CRPPA: variants seen among roughly 807,000 people sequenced by gnomAD.
CRPPA encodes D-ribitol-5-phosphate cytidylyltransferase.
Under a neutral mutation model 52.0 loss-of-function variants are expected in CRPPA, and 43 were observed. The ratio of observed to expected loss-of-function variants is 0.83; its 90% CI spans 0.65 to 1.07. The LOEUF (loss-of-function observed/expected upper bound fraction) is 1.07. Ranked by LOEUF, CRPPA falls within the 50% of genes least tolerant of loss-of-function variation. CRPPA has a pLI of 0.00. For missense variants in CRPPA, 629 were observed against 551.7 expected (o/e 1.14, Z -1.40); for synonymous variants, 250 against 203.5 (o/e 1.23, Z -1.94).
chr7:16,199,094 C>T (rs1257185148), intron 9 of CRPPA, among the ~76,000 whole-genome samples: 1 of 152,172 alleles, frequency 6.6e-6, no homozygotes, highest in Non-Finnish European at 1.5e-5. Context: ...CTGCTCTCTC[C>T]CAGACTTCCA....
intron 1 of CRPPA, among the ~76,000 whole-genome samples, chr7:16,407,927 T>C (rs551709883): frequency 6.6e-6 from 1 of 151,818 alleles, no homozygotes; most frequent in Admixed American, 6.6e-5. Context: ...GCCAACATAG[T>C]GAAACTCCGT....
At position 16,258,943 on chromosome 7, in the gene CRPPA, A is replaced by T; in HGVS notation, c.1003T>A (p.Cys335Ser). The T allele has an allele frequency of 6.2e-7, 1 of 1,610,344 alleles. No individual in the cohort carries two copies. Among genetic ancestry groups the T allele is most frequent in the Non-Finnish European group, 8.5e-7 (1 of 1,177,948 alleles). ...RHLQQIILDQ[C>S]YNFVCVNVTT... Reference sequence around the variant, plus strand: ...ACATTCACACAAACAAAATTGTAGCATTGATCTAAGATGATTTGCTGAAGA... The same window carrying T: ...ACATTCACACAAACAAAATTGTAGCTTTGATCTAAGATGATTTGCTGAAGA... The change falls in exon 7 of 10, where the codon TGC becomes AGC. Residue 335 changes from cysteine (C) to serine (S), a missense_variant. Cys to Ser is a moderately radical substitution (Grantham distance 112). Transcript: ENST00000407010.
At chr7:16,124,979 G>A (rs1200290353) in intron 9 of CRPPA, among the ~76,000 whole-genome samples, 1 of 151,984 alleles carries the variant, frequency 6.6e-6, no homozygotes, top group Admixed American at 6.6e-5. Context: ...CTGTGAATAG[G>A]CCAGGTGCAG....
chr7:16,315,833 T>C (rs1289893367), intron 3 of CRPPA, among the ~76,000 whole-genome samples: 3 of 152,188 alleles, frequency 2.0e-5, no homozygotes, highest in Admixed American at 6.5e-5. Flanking sequence ...CCTGTCACTA[T>C]TTCCCAAGGA....
intron 9 of CRPPA, among the ~76,000 whole-genome samples, chr7:16,188,317 T>C (rs1486401932): frequency 6.6e-6 from 1 of 152,028 alleles, no homozygotes; most frequent in African/African-American, 2.4e-5. Context: ...AGAACAAATG[T>C]ATGGTGTGAG....
rs766568618 is a variant in CRPPA, at chr7:16,406,117, G to T, written c.478C>A (p.Pro160Thr). 1 of 1,613,846 alleles carries T rather than the reference G, an allele frequency of 6.2e-7. No individual in the cohort carries two copies. The highest frequency in any genetic ancestry group is 8.5e-7 in the Non-Finnish European group (1 of 1,179,850). ...EVVIIHDAVR[P>T]FVEEGVLLKV... The stretch of plus-strand genomic sequence containing the variant: ...AGAAGGACACCTTCCTCAACAAATG[G>T]TCTCACAGCATCATGGATAATCACT... The change falls in exon 2 of 10, where the codon CCA (proline) becomes ACA (threonine). Residue 160 changes from proline to threonine, a missense_variant. Physicochemically the swap from Pro to Thr is conservative, Grantham distance 38 (BLOSUM62 -1). Coordinates refer to ENST00000407010, the MANE Select transcript of CRPPA (RefSeq NM_001101426.4).
At chr7:16,260,039 A>T (rs1783754338) in intron 6 of CRPPA, among the ~76,000 whole-genome samples, 1 of 152,012 alleles carries the variant, frequency 6.6e-6, no homozygotes, top group Non-Finnish European at 1.5e-5. Context: ...AAAAAGCCAA[A>T]AAGTCCATAG....
chr7:16,408,130 T>C (rs1221629700), intron 1 of CRPPA, among the ~76,000 whole-genome samples: 1 of 126,090 alleles, frequency 7.9e-6, no homozygotes, highest in Non-Finnish European at 1.7e-5. Flanking sequence ...AATAAAAAAA[T>C]AACTTATCAG....
At chr7:16,302,231 G>A (rs368695979) in intron 4 of CRPPA, among the ~76,000 whole-genome samples, 7 of 135,314 alleles carry the variant, frequency 5.2e-5, no homozygotes, top group Admixed American at 1.8e-4. Flanking sequence ...GGGAGGCGGA[G>A]CTTGCAGTGT....
intron 9 of CRPPA, among the ~76,000 whole-genome samples, chr7:16,171,011 G>A (rs1266483188): frequency 1.3e-5 from 2 of 152,210 alleles, no homozygotes; most frequent in African/African-American, 4.8e-5. Context: ...AGCCCAGAGA[G>A]GGGCTCCCAC....
At chr7:16,189,092 A>G (rs1466681003) in intron 9 of CRPPA, among the ~76,000 whole-genome samples, 1 of 152,198 alleles carries the variant, frequency 6.6e-6, no homozygotes, top group African/African-American at 2.4e-5. Flanking sequence ...ATAAACACAC[A>G]TTAAAAAAAA....
At chr7:16,267,672 T>A (rs2128415122) in intron 6 of CRPPA, among the ~76,000 whole-genome samples, 1 of 152,286 alleles carries the variant, frequency 6.6e-6, no homozygotes, top group South Asian at 2.1e-4. Flanking sequence ...CTTTTTTCCC[T>A]CAAATTCTTG....
At chr7:16,156,714 C>A (rs1226354182) in intron 9 of CRPPA, among the ~76,000 whole-genome samples, 3 of 152,142 alleles carry the variant, frequency 2.0e-5, no homozygotes, top group Admixed American at 6.5e-5. Context: ...GGCAAGAAAT[C>A]CAGTCTTCAT....
In CRPPA at chr7:16,089,461, G is replaced by A. The variant is rs892771570; in HGVS notation, c.*2234C>T. 1.9e-5 allele frequency: 6 copies of A among 323,862 alleles called. No individual in the cohort carries two copies. The highest frequency in any genetic ancestry group is 4.4e-5 in the African/African-American group (2 of 45,584). The allele number at this position is 323,862 out of a possible 1,614,324, so 20.1% of individuals were successfully genotyped here. A position where few individuals can be genotyped will look rare whatever the true frequency, so the allele number is the denominator to read the frequency against. On this transcript the variant is annotated 3_prime_UTR_variant, in exon 10 of 10. Transcript: ENST00000407010. ...TATATGTACGTGCATACATATATGTGTATATATGTACGTACATATATACGG... is the reference window on the plus strand; with the variant it reads ...TATATGTACGTGCATACATATATGTATATATATGTACGTACATATATACGG...
chr7:16,287,039 T>C (rs1784466024), intron 5 of CRPPA, among the ~76,000 whole-genome samples: 2 of 152,212 alleles, frequency 1.3e-5, no homozygotes, highest in Admixed American at 6.5e-5. Context: ...CATGTCATAC[T>C]ATATATTTTT....
intron 9 of CRPPA, among the ~76,000 whole-genome samples, chr7:16,117,756 A>G (rs1350018827): frequency 1.3e-5 from 2 of 152,204 alleles, no homozygotes; most frequent in Admixed American, 1.3e-4. Context: ...CCTTGTAAGA[A>G]AGGCCTCACG....
At chr7:16,267,726 T>C (rs965828682) in intron 6 of CRPPA, among the ~76,000 whole-genome samples, 1 of 152,170 alleles carries the variant, frequency 6.6e-6, no homozygotes, top group African/African-American at 2.4e-5. Flanking sequence ...AAAGTTTTTA[T>C]TTTTCCTAAG....
rs796785265 is a variant in CRPPA at position 16,287,923 on chromosome 7, A to G, written c.836-9697T>C. The stretch of plus-strand genomic sequence containing the variant: ...GGTGAAAAAAAGAAAGGAAGGAAGG[A>G]AGGGAGGGAGGGAGGGAGGGAGGGA... On this transcript the variant is annotated intron_variant, in intron 5 of 9. Coordinates refer to ENST00000407010, the MANE Select transcript of CRPPA (RefSeq NM_001101426.4). Among the ~76,000 whole-genome samples the G allele has an allele frequency of 1.3e-3, 165 of 123,600 alleles. 1 individual carries two copies. Among genetic ancestry groups the G allele is most frequent in the Admixed American group, 1.9e-3 (23 of 11,832 alleles). The allele number at this position is 123,600 out of a possible 152,430, so 81.1% of individuals were successfully genotyped here.
In CRPPA at chr7:16,421,404, G is replaced by T. The variant is rs2128321589; in HGVS notation, c.-82C>A. 8.4e-7 allele frequency: 1 copy of T among 1,192,552 alleles called. No individual in the cohort carries two copies. The highest frequency in any genetic ancestry group is 1.0e-6 in the Non-Finnish European group (1 of 958,412). 73.9% of individuals were successfully genotyped at this position (1,192,552 alleles called of 1,614,324 possible). A position where few individuals can be genotyped will look rare whatever the true frequency, so the allele number is the denominator to read the frequency against. On this transcript the variant is annotated 5_prime_UTR_variant, in exon 1 of 10. Coordinates refer to ENST00000407010, the MANE Select transcript of CRPPA (RefSeq NM_001101426.4). ...CTCCCACCCTCGGCCGGGGTCGCGG[G>T]GCGAAGGGCAGACCACGGAGAGGGA...
Sources: gnomAD v4.1 joint callset for allele counts (sites outside exome capture counted in the v4.1 genomes callset) on GRCh38, gnomAD v4.1.1 for gene constraint, MANE v1.5 for transcripts, NCBI Gene and HGNC (gene_info 2026-07-23, HGNC 2026-07-21) for gene names.